MYO1F: variants seen among roughly 807,000 people sequenced by gnomAD.
MYO1F encodes myosin IF, also known as unconventional myosin-If.
Under a neutral mutation model 146.6 loss-of-function variants are expected in MYO1F, and 60 were observed. The ratio of observed to expected loss-of-function variants is 0.41; its 90% confidence interval spans 0.33 to 0.51. The LOEUF (loss-of-function observed/expected upper bound fraction) is 0.51, where lower values mean the gene tolerates loss of function less well. Among genes scored for constraint, MYO1F ranks in the 20% least tolerant of loss-of-function variants. The probability of loss-of-function intolerance (pLI) is 0.25; values close to 1 mark genes in which losing one functional copy is unlikely to be tolerated. For synonymous variants in MYO1F, 602 were observed against 602.1 expected (o/e 1.00, Z 0.00); for missense variants, 1,274 against 1,534.3 (o/e 0.83, Z 2.83).
chr19:8,553,914 T>TCTCTCTCTCTCTCTCTCTCTCTCG (rs1178542513), intron 4 of MYO1F, among the ~76,000 whole-genome samples: 2 of 135,688 alleles, frequency 1.5e-5, no homozygotes, highest in African/African-American at 5.3e-5. Flanking sequence ...TCTCTCTCTC[T>TCTCTCTCTCTCTCTCTCTCTCTCG]CTCTCTCTCG....
At chr19:8,522,959 G>A in intron 25 of MYO1F, 130 bp from the exon 26 acceptor site, 2 of 766,304 alleles carry the variant, frequency 2.6e-6, no homozygotes, top group Non-Finnish European at 4.3e-6. Flanking sequence ...TAAGGATTGG[G>A]CCAGACGGAG....
In MYO1F at chr19:8,526,440, C is replaced by T. The variant is rs761278610; in HGVS notation, c.2770+13G>A. 7.7e-6 allele frequency: 12 copies of T among 1,551,872 alleles called. No individual in the cohort carries two copies. Among genetic ancestry groups the T allele is most frequent in the Non-Finnish European group, 9.6e-6 (11 of 1,147,802 alleles). The stretch of plus-strand genomic sequence containing the variant: ...GGCCCCGCCCCCTCTGCCCTAGTTC[C>T]GCGCAGACTCACTGGAGCTCTTGGG... On this transcript the variant is annotated intron_variant, in intron 24 of 27. Transcript: ENST00000644032.
intron 22 of MYO1F, 66 bp from the exon 23 acceptor site, chr19:8,527,001 T>G: frequency 6.3e-7 from 1 of 1,582,758 alleles, no homozygotes; most frequent in Non-Finnish European, 8.6e-7. Flanking sequence ...GAGAGACAGA[T>G]GAAGGTGGCT....
At chr19:8,527,675 C>T (rs1383649254) in intron 21 of MYO1F, among the ~76,000 whole-genome samples, 192 bp from the exon 22 acceptor site, 1 of 152,110 alleles carries the variant, frequency 6.6e-6, no homozygotes, top group Non-Finnish European at 1.5e-5. Context: ...TGCAGTGGTG[C>T]CATCATAGCT....
Position 8,522,478 on chromosome 19 carries a change from C to T in MYO1F, c.3119G>A (p.Arg1040Gln), listed in dbSNP as rs537987379. ...PGVGRPKPQP[R>Q]THGPRCRALY... ...GGCCCGGCACCTGGGACCATGTGTC[C>T]GAGGCTGGGGCTTGGGTCGGCCCAC... Residue 1040 changes from arginine to glutamine, a missense_variant, in exon 27 of 28, where the codon CGG becomes CAG. By Grantham distance (43) the Arg-to-Gln change is conservative. Transcript: ENST00000644032. 2.3e-5 allele frequency: 37 copies of T among 1,613,782 alleles called. No individual in the cohort carries two copies. The highest frequency in any genetic ancestry group is 4.0e-5 in the African/African-American group (3 of 74,912).
chr19:8,544,124 G>A (rs2145890425), intron 14 of MYO1F, 173 bp downstream of exon 14: 7 of 743,804 alleles, frequency 9.4e-6, no homozygotes, highest in East Asian at 7.6e-5. Flanking sequence ...GGAAGGGTCT[G>A]TAGTTCTGGT....
chr19:8,528,808 G>A (rs1245355043), intron 21 of MYO1F, among the ~76,000 whole-genome samples: 1 of 151,958 alleles, frequency 6.6e-6, no homozygotes, highest in Non-Finnish European at 1.5e-5. Flanking sequence ...CAGGTAAATA[G>A]GAGTATCTGG....
At chr19:8,536,718 G>T (rs111304826) in intron 17 of MYO1F, 121 bp from the exon 18 acceptor site, 1 of 354,442 alleles carries the variant, frequency 2.8e-6, no homozygotes, top group Non-Finnish European at 5.1e-6. Context: ...GGAAGTTTGG[G>T]GGGTGAGTTC....
At chr19:8,537,790 C>T (rs536981713) in intron 16 of MYO1F, among the ~76,000 whole-genome samples, 3 of 151,840 alleles carry the variant, frequency 2.0e-5, no homozygotes, top group Non-Finnish European at 2.9e-5. Flanking sequence ...GGTATAGTGG[C>T]GCCGTGATAG....
intron 13 of MYO1F, chr19:8,545,332 G>A (rs962908520): frequency 3.7e-5 from 13 of 354,156 alleles, no homozygotes; most frequent in African/African-American, 1.7e-4. Context: ...CAGGTGATCC[G>A]CCCACCTTGG....
At chr19:8,576,799 G>A (rs1326146526) in intron 1 of MYO1F, 1 of 176,840 alleles carries the variant, frequency 5.7e-6, no homozygotes, top group Admixed American at 5.7e-5. Context: ...CTCAGCCGAG[G>A]ACTCTGTGGC....
chr19:8,535,602 C>T (rs1352895296), intron 19 of MYO1F, among the ~76,000 whole-genome samples: 3 of 151,816 alleles, frequency 2.0e-5, no homozygotes, highest in African/African-American at 7.3e-5. Flanking sequence ...TTTTTCTGTT[C>T]TATGTCAAAA....
intron 1 of MYO1F, among the ~76,000 whole-genome samples, chr19:8,556,377 C>T (rs1973855979): frequency 1.3e-5 from 2 of 150,076 alleles, no homozygotes; most frequent in Non-Finnish European, 1.5e-5. Context: ...TGCAGTGGCT[C>T]ATGCCCGTAA....
intron 25 of MYO1F, chr19:8,525,131 T>C (rs1599908796): frequency 5.2e-6 from 1 of 193,328 alleles, no homozygotes; most frequent in Non-Finnish European, 9.8e-6. Context: ...ATCCAGGAGG[T>C]GAAGGTTGCA....
rs570214337 is a variant in MYO1F at position 8,543,960 on chromosome 19, G to C, written c.1524+337C>G. On this transcript the variant is annotated intron_variant, in intron 14 of 27. Transcript: ENST00000644032. ...GGTGCTGGTGGTGCTGGTGGTGGTG[G>C]TGGTGGTGGTGCTGGTGCTGGTGCT... is the stretch of plus-strand genomic sequence containing the variant. The C allele has an allele frequency of 4.0e-4, 138 of 348,952 alleles. 2 individuals are homozygous for C. The highest frequency in any genetic ancestry group is 1.7e-3 in the Middle Eastern group (2 of 1,144). The allele number at this position is 348,952 out of a possible 1,614,324, so 21.6% of individuals were successfully genotyped here. A position where few individuals can be genotyped will look rare whatever the true frequency, so the allele number is the denominator to read the frequency against.
chr19:8,550,551 C>G lies in MYO1F; in HGVS notation c.904+11G>C, dbSNP rs541374377. 1,725 of 1,614,142 alleles carry G rather than the reference C, an allele frequency of 1.1e-3. 30 individuals carry two copies. The South Asian group carries it at 0.017, about 16-fold the overall frequency. ...GGCCTCCATCCAGCCCTCCCTGATA[C>G]CCACACTCACGGTCCACACTCTCCA... On this transcript the variant is annotated intron_variant, in intron 9 of 27. Coordinates refer to ENST00000644032, the MANE Select transcript of MYO1F (RefSeq NM_012335.4).
At chr19:8,566,435 G>A (rs1755272147) in intron 1 of MYO1F, among the ~76,000 whole-genome samples, 2 of 151,538 alleles carry the variant, frequency 1.3e-5, no homozygotes, top group Non-Finnish European at 1.5e-5. Context: ...CCAAAGTGCT[G>A]GGATTACAGG....
At position 8,577,311 on chromosome 19, in the gene MYO1F, G is replaced by A. The variant is rs782730930; in HGVS notation, c.-2C>T. On this transcript the variant is annotated 5_prime_UTR_variant, in exon 1 of 28. Transcript: ENST00000644032. The surrounding 1 kb of genome is among the most constrained non-coding windows in gnomAD (Gnocchi z 4.3). ...TCCCACCCTTGAAGGACTTACCATG[G>A]TGGGGGGCTGGTGTCTGGGCTCCTG... The A allele has an allele frequency of 6.2e-7, 1 of 1,613,794 alleles. No individual in the cohort carries two copies.
Position 8,522,925 on chromosome 19 carries a change from T to C in MYO1F, c.2855-96A>G, listed in dbSNP as rs577898623. 1.7e-4 allele frequency: 181 copies of C among 1,073,560 alleles called. 3 individuals are homozygous for C. In the South Asian group the frequency reaches 2.4e-3, roughly 14 times the overall value. The allele number at this position is 1,073,560 out of a possible 1,614,324, so 66.5% of individuals were successfully genotyped here. ...AAGTTCTCAGGCTGAGGGAGGAGACTGCGACACTCTCAACCCAGTGTGGTA... is the reference window on the plus strand; with the variant it reads ...AAGTTCTCAGGCTGAGGGAGGAGACCGCGACACTCTCAACCCAGTGTGGTA... On this transcript the variant is annotated intron_variant, in intron 25 of 27. Transcript: ENST00000644032.
Sources: gnomAD v4.1 joint callset for allele counts (sites outside exome capture counted in the v4.1 genomes callset) on GRCh38, gnomAD v4.1.1 for gene constraint, Gnocchi (gnomAD v3.1) non-coding constraint, MANE v1.5 for transcripts, NCBI Gene and HGNC (gene_info 2026-07-23, HGNC 2026-07-21) for gene names.